Variants in PCDHGA9 observed in about 807,000 individuals in gnomAD.
PCDHGA9 encodes protocadherin gamma-A9.
PCDHGA9 carries 37 observed loss-of-function variants against 62.5 expected under a neutral mutation model. The ratio of observed to expected loss-of-function variants is 0.59; its 90% CI spans 0.46 to 0.78. The LOEUF (loss-of-function observed/expected upper bound fraction) is 0.78. Ranked by LOEUF, PCDHGA9 falls within the 30% of genes least tolerant of loss-of-function variation. The pLI is 0.00. For missense variants in PCDHGA9, 1,138 were observed against 1,166.2 expected (o/e 0.98, Z 0.35); for synonymous variants, 459 against 484.6 (o/e 0.95, Z 0.69).
Position 141,432,502 on chromosome 5 carries a change from C to T in PCDHGA9, c.2424+27126C>T. On this transcript the variant is annotated intron_variant, in intron 1 of 3. Transcript: ENST00000573521. This position sits in a 1 kb window ranked among gnomAD's most constrained non-coding sequence, Gnocchi z 6.0. ...CTGGCGTGGAGCTGGCTCCCCGCTC[C>T]GCAGAGCCCGGCTACCTGGTGACCA... 6.2e-7 allele frequency: 1 copy of T among 1,614,142 alleles called. No individual in the cohort carries two copies. The highest frequency in any genetic ancestry group is 8.5e-7 in the Non-Finnish European group (1 of 1,180,042).
Position 141,486,814 on chromosome 5 carries a change from C to T in PCDHGA9, c.2425-7993C>T, listed in dbSNP as rs1048351154. On this transcript the variant is annotated intron_variant, in intron 1 of 3. Transcript: ENST00000573521. The surrounding 1 kb of genome is among the most constrained non-coding windows in gnomAD (Gnocchi z 5.0). ...ATCGGGGCAACCCACCCCTTAGCAG[C>T]ACTGTAACAGTTCGTCTATTTGTGC... 1.2e-6 allele frequency: 2 copies of T among 1,614,122 alleles called. No individual in the cohort carries two copies. Among genetic ancestry groups the T allele is most frequent in the Non-Finnish European group, 1.7e-6 (2 of 1,180,052 alleles).
Position 141,485,795 on chromosome 5 carries a change from T to G in PCDHGA9, c.2425-9012T>G, listed in dbSNP as rs1225630684. On this transcript the variant is annotated intron_variant, in intron 1 of 3. Coordinates refer to ENST00000573521, the MANE Select transcript of PCDHGA9 (RefSeq NM_018921.3). The surrounding 1 kb of genome is among the most constrained non-coding windows in gnomAD (Gnocchi z 5.7). ...TTTGGATCGAGAGAAGCAATCGGAC[T>G]ACCGCCTGGTGCTGACTGCTGTCGA... 16 of 1,614,092 alleles carry G rather than the reference T, an allele frequency of 9.9e-6. No individual in the cohort carries two copies. The highest frequency in any genetic ancestry group is 1.1e-5 in the Non-Finnish European group (13 of 1,180,046).
In PCDHGA9 at chr5:141,485,042, C is replaced by T; in HGVS notation, c.2425-9765C>T. ...CAGCAAAAACGGCGCGTAACCCTTGCGGCGCCGGCCGAACCGCGCCAGAGC... is the reference window on the plus strand; with the variant it reads ...CAGCAAAAACGGCGCGTAACCCTTGTGGCGCCGGCCGAACCGCGCCAGAGC... On this transcript the variant is annotated intron_variant, in intron 1 of 3. Coordinates refer to ENST00000573521, the MANE Select transcript of PCDHGA9 (RefSeq NM_018921.3). This position sits in a 1 kb window ranked among gnomAD's most constrained non-coding sequence, Gnocchi z 5.7. 1 of 724,054 alleles carries T rather than the reference C, an allele frequency of 1.4e-6. No individual in the cohort carries two copies. Among genetic ancestry groups the T allele is most frequent in the South Asian group, 1.8e-5 (1 of 56,650 alleles). 44.9% of individuals were successfully genotyped at this position (724,054 alleles called of 1,614,324 possible). A position where few individuals can be genotyped will look rare whatever the true frequency, so the allele number is the denominator to read the frequency against.
Position 141,490,311 on chromosome 5 carries a change from C to T in PCDHGA9, c.2425-4496C>T. 6.2e-7 allele frequency: 1 copy of T among 1,614,200 alleles called. No individual in the cohort carries two copies. The highest frequency in any genetic ancestry group is 8.5e-7 in the Non-Finnish European group (1 of 1,180,018). On this transcript the variant is annotated intron_variant, in intron 1 of 3. Coordinates refer to ENST00000573521, the MANE Select transcript of PCDHGA9 (RefSeq NM_018921.3). This position sits in a 1 kb window ranked among gnomAD's most constrained non-coding sequence, Gnocchi z 5.4. ...AGGTGCTATTGGCCTCTTTGGCCAA[C>T]CCTGTCCTAGAGAGCACACCAGTGG...
intron 3 of PCDHGA9, among the ~76,000 whole-genome samples, chr5:141,509,568 C>T (rs535982453): frequency 3.3e-5 from 5 of 152,336 alleles, no homozygotes; most frequent in Admixed American, 2.0e-4. Flanking sequence ...GCAGCCTTCA[C>T]AGTGCGTACA....
intron 1 of PCDHGA9, chr5:141,478,545 A>T: frequency 6.2e-7 from 1 of 1,605,606 alleles, no homozygotes; most frequent in Admixed American, 1.7e-5. Context: ...CCTCCCGGAC[A>T]GGTAAGGTTT....
intron 1 of PCDHGA9, 157 bp from the exon 2 acceptor site, chr5:141,494,650 T>G (rs1366776271): frequency 1.0e-6 from 1 of 960,138 alleles, no homozygotes; most frequent in East Asian, 1.1e-4. Context: ...CTGAGGTGTA[T>G]TTTGTCTTTG....
At chr5:141,416,274 A>G (rs2096010347) in intron 1 of PCDHGA9, 2 of 152,404 alleles carry the variant, frequency 1.3e-5, no homozygotes, top group Non-Finnish European at 1.5e-5. Flanking sequence ...CTTTTTGCAT[A>G]CAATTCTCTA....
At chr5:141,421,512 G>A in intron 1 of PCDHGA9, 1 of 1,614,094 alleles carries the variant, frequency 6.2e-7, no homozygotes, top group Non-Finnish European at 8.5e-7. Flanking sequence ...ACCGGGAGGA[G>A]CTCTGTGAGA....
chr5:141,429,379 T>G (rs573911129), intron 1 of PCDHGA9, among the ~76,000 whole-genome samples: 5 of 151,382 alleles, frequency 3.3e-5, no homozygotes, highest in East Asian at 1.9e-4. Context: ...GAAAATGTGT[T>G]TTTTTTTTAA....
At chr5:141,506,188 C>A (rs925159785) in intron 3 of PCDHGA9, among the ~76,000 whole-genome samples, 1 of 152,058 alleles carries the variant, frequency 6.6e-6, no homozygotes, top group Non-Finnish European at 1.5e-5. Flanking sequence ...TGGTGGCTCA[C>A]GCCTGTAATC....
chr5:141,433,812 G>A (rs535623556), intron 1 of PCDHGA9, among the ~76,000 whole-genome samples: 46 of 150,530 alleles, frequency 3.1e-4, no homozygotes, highest in African/African-American at 1.1e-3. Context: ...ACTCCAGCCT[G>A]GGCAACAAGA....
At chr5:141,417,667 C>A (rs545100460) in intron 1 of PCDHGA9, 5 of 918,744 alleles carry the variant, frequency 5.4e-6, no homozygotes, top group South Asian at 3.8e-5. Flanking sequence ...GGATTCCCTG[C>A]GCAGCCAACA....
chr5:141,451,182 C>T (rs2154563496), intron 1 of PCDHGA9, among the ~76,000 whole-genome samples: 1 of 152,226 alleles, frequency 6.6e-6, no homozygotes, highest in Non-Finnish European at 1.5e-5. Flanking sequence ...TTAGCCATTG[C>T]TGTGTAACAA....
intron 3 of PCDHGA9, among the ~76,000 whole-genome samples, chr5:141,505,956 T>C (rs1177913983): frequency 6.6e-6 from 1 of 152,102 alleles, no homozygotes; most frequent in Non-Finnish European, 1.5e-5. Flanking sequence ...TGAAAGTGGG[T>C]GTAGAAATCC....
Position 141,489,646 on chromosome 5 carries a change from C to G in PCDHGA9, c.2425-5161C>G, listed in dbSNP as rs1274955075. The G allele has an allele frequency of 1.2e-6, 2 of 1,614,186 alleles. No individual in the cohort carries two copies. Among genetic ancestry groups the G allele is most frequent in the Non-Finnish European group, 1.7e-6 (2 of 1,180,022 alleles). ...TGACAACTCTCCTAGCTTTGCCACC[C>G]CTGAGCGAGAGATGCGCATCTCAGA... On this transcript the variant is annotated intron_variant, in intron 1 of 3. Coordinates refer to ENST00000573521, the MANE Select transcript of PCDHGA9 (RefSeq NM_018921.3). The surrounding 1 kb of genome is among the most constrained non-coding windows in gnomAD (Gnocchi z 4.5).
At chr5:141,482,530 C>CTAAAAA in intron 1 of PCDHGA9, among the ~76,000 whole-genome samples, 1 of 76,560 alleles carries the variant, frequency 1.3e-5, no homozygotes, top group African/African-American at 4.8e-5. Context: ...GACAGACATG[C>CTAAAAA]AAAAAAAAAA....
chr5:141,421,751 C>T (rs751678934), intron 1 of PCDHGA9: 1 of 1,613,932 alleles, frequency 6.2e-7, no homozygotes, highest in South Asian at 1.1e-5. Context: ...CAGCTCAGCC[C>T]TAATAATTAC....
chr5:141,471,879 G>A (rs1027572395), intron 1 of PCDHGA9, among the ~76,000 whole-genome samples: 7 of 152,218 alleles, frequency 4.6e-5, no homozygotes, highest in African/African-American at 1.7e-4. Context: ...GCCTGAGGCT[G>A]AAGCTAGGAA....
Sources: allele counts gnomAD v4.1 joint callset (sites outside exome capture counted in the v4.1 genomes callset), GRCh38; gene constraint gnomAD v4.1.1; non-coding constraint Gnocchi (gnomAD v3.1); transcripts MANE v1.5; gene names NCBI Gene and HGNC (gene_info 2026-07-23, HGNC 2026-07-21).